Variants in PPP1R12A observed in about 807,000 individuals in gnomAD.
The protein encoded by PPP1R12A is protein phosphatase 1 regulatory subunit 12A.
In PPP1R12A, 19 loss-of-function variants were observed where a neutral mutation model predicts 139.6. The observed-to-expected ratio is 0.14, with a 90% confidence interval of 0.09 to 0.20. PPP1R12A has a LOEUF of 0.20. Ranked by LOEUF, PPP1R12A falls within the 10% of genes least tolerant of loss-of-function variation. The pLI is 1.00. For synonymous variants in PPP1R12A, 427 were observed against 420.6 expected (o/e 1.02, Z -0.19); for missense variants, 925 against 1,211.5 (o/e 0.76, Z 3.51).
At chr12:79,855,637 T>C (rs1485730378) in intron 2 of PPP1R12A, among the ~76,000 whole-genome samples, 2 of 152,064 alleles carry the variant, frequency 1.3e-5, no homozygotes, top group Non-Finnish European at 2.9e-5. Context: ...GATAATATTA[T>C]GGATTATGTA....
At chr12:79,911,864 G>A (rs1043337412) in intron 1 of PPP1R12A, among the ~76,000 whole-genome samples, 1 of 151,906 alleles carries the variant, frequency 6.6e-6, no homozygotes, top group African/African-American at 2.4e-5. Flanking sequence ...GCCAGCAGCC[G>A]TCTCTTAAAA....
chr12:79,848,044 A>G (rs968200326), intron 2 of PPP1R12A, among the ~76,000 whole-genome samples: 1 of 152,166 alleles, frequency 6.6e-6, no homozygotes, highest in Non-Finnish European at 1.5e-5. Context: ...GTTTTCTGTA[A>G]TAAGTTTGTT....
At chr12:79,867,311 G>T (rs1222836939) in intron 2 of PPP1R12A, among the ~76,000 whole-genome samples, 3 of 152,034 alleles carry the variant, frequency 2.0e-5, no homozygotes, top group Admixed American at 1.3e-4. Flanking sequence ...ACACACCAGG[G>T]TCTGTGGGGG....
chr12:79,934,691 A>C lies in PPP1R12A; in HGVS notation c.237+4T>G. ...CAGGAGAGCCGGCGGCGGGGCGCAC[A>C]GACCTGGTGCAGGGCAGTGAGTCCG... On this transcript the variant is annotated splice_donor_region_variant and intron_variant, in intron 1 of 24. Transcript: ENST00000450142. 6.6e-7 allele frequency: 1 copy of C among 1,522,458 alleles called. No homozygotes were observed. The highest frequency in any genetic ancestry group is 8.9e-7 in the Non-Finnish European group (1 of 1,129,010). 94.3% of individuals were successfully genotyped at this position (1,522,458 alleles called of 1,614,324 possible).
intron 1 of PPP1R12A, among the ~76,000 whole-genome samples, chr12:79,882,286 T>C (rs1883706908): frequency 6.6e-6 from 1 of 152,246 alleles, no homozygotes; most frequent in South Asian, 2.1e-4. Context: ...TACATGCTAT[T>C]AAGAACATTG....
chr12:79,845,343 T>G lies in PPP1R12A; in HGVS notation c.446A>C (p.Glu149Ala). 1.2e-6 allele frequency: 2 copies of G among 1,613,386 alleles called. No homozygotes were observed. Among genetic ancestry groups the G allele is most frequent in the Non-Finnish European group, 1.7e-6 (2 of 1,179,504 alleles). The change falls in exon 3 of 25, where the codon GAG (glutamate) becomes GCG (alanine). Residue 149 changes from glutamate (E) to alanine (A), a missense_variant. Transcript: ENST00000450142. Reference protein sequence around the residue: ...GDTPLDIAEEEAMEELLQNEV... With the variant: ...GDTPLDIAEEAAMEELLQNEV... ...ATTTTGAAGTAGCTCTTCCATTGCC[T>G]CCTCCTCCGCAATATCTAAAGGTGT... is the stretch of plus-strand genomic sequence containing the variant.
intron 2 of PPP1R12A, among the ~76,000 whole-genome samples, chr12:79,861,863 T>C (rs1354088841): frequency 1.3e-5 from 2 of 152,026 alleles, no homozygotes; most frequent in Admixed American, 6.6e-5. Flanking sequence ...CTGACTCTCT[T>C]GAATCCACTC....
At chr12:79,919,571 T>G (rs1887277368) in intron 1 of PPP1R12A, among the ~76,000 whole-genome samples, 1 of 150,058 alleles carries the variant, frequency 6.7e-6, no homozygotes, top group African/African-American at 2.5e-5. Flanking sequence ...AAAAAAAAAG[T>G]CTTCTCCCCT....
intron 1 of PPP1R12A, among the ~76,000 whole-genome samples, chr12:79,880,742 C>A (rs543699086): frequency 6.6e-6 from 1 of 152,056 alleles, no homozygotes; most frequent in Non-Finnish European, 1.5e-5. Flanking sequence ...CCACCGATAT[C>A]GGCATACCTA....
At chr12:79,782,296 G>C in intron 22 of PPP1R12A, 1 of 209,872 alleles carries the variant, frequency 4.8e-6, no homozygotes, top group Non-Finnish European at 9.8e-6. Flanking sequence ...TATCCATGCA[G>C]CCAGACCAGT....
At chr12:79,788,576 AAAT>A (rs1368123294) in intron 21 of PPP1R12A, 69 bp downstream of exon 21, 4 of 1,369,840 alleles carry the variant, frequency 2.9e-6, no homozygotes, top group African/African-American at 2.9e-5. Context: ...TGAGTTTTTA[AAAT>A]AATATTTGAA....
intron 5 of PPP1R12A, among the ~76,000 whole-genome samples, chr12:79,822,641 T>C (rs910493708): frequency 2.0e-5 from 3 of 152,198 alleles, no homozygotes; most frequent in African/African-American, 7.2e-5. Context: ...AGGCATTTCC[T>C]ATAAATGGAA....
Position 79,857,374 on chromosome 12 carries a change from T to C in PPP1R12A, c.369-11954A>G, listed in dbSNP as rs113285483. ...ACATGTTCTCACTCATAGATGGGAATTGAACAATGAGAACATATGGACACA... is the reference window on the plus strand; with the variant it reads ...ACATGTTCTCACTCATAGATGGGAACTGAACAATGAGAACATATGGACACA... On this transcript the variant is annotated intron_variant, in intron 2 of 24. Coordinates refer to ENST00000450142, the MANE Select transcript of PPP1R12A (RefSeq NM_002480.3). 9.5e-3 allele frequency among the ~76,000 whole-genome samples: 1,436 copies of C among 150,876 alleles called. 30 individuals are homozygous for C. Among genetic ancestry groups the C allele is most frequent in the African/African-American group, 0.034 (1,379 of 40,906 alleles).
chr12:79,871,460 A>G (rs1242350069), intron 2 of PPP1R12A, among the ~76,000 whole-genome samples: 2 of 152,200 alleles, frequency 1.3e-5, no homozygotes, highest in African/African-American at 2.4e-5. Context: ...TCAAAAGTTA[A>G]TATGTACTAT....
chr12:79,796,051 A>G (rs759725878), intron 17 of PPP1R12A, among the ~76,000 whole-genome samples: 1 of 152,182 alleles, frequency 6.6e-6, no homozygotes, highest in Non-Finnish European at 1.5e-5. Flanking sequence ...CCTCACACAT[A>G]GAAGTTTAAA....
At chr12:79,816,534 C>T (rs1458076894) in intron 9 of PPP1R12A, among the ~76,000 whole-genome samples, 3 of 151,854 alleles carry the variant, frequency 2.0e-5, no homozygotes, top group Non-Finnish European at 4.4e-5. Context: ...AACTCTTAAT[C>T]GTTAATTTGG....
At chr12:79,895,328 A>G (rs1885036328) in intron 1 of PPP1R12A, among the ~76,000 whole-genome samples, 1 of 152,190 alleles carries the variant, frequency 6.6e-6, no homozygotes, top group Non-Finnish European at 1.5e-5. Context: ...TCCTGGAAAA[A>G]AAAACAGGAG....
At chr12:79,890,049 G>C (rs1489075836) in intron 1 of PPP1R12A, among the ~76,000 whole-genome samples, 1 of 152,142 alleles carries the variant, frequency 6.6e-6, no homozygotes, top group Non-Finnish European at 1.5e-5. Flanking sequence ...AGGCATGACA[G>C]AAATATTCAG....
intron 19 of PPP1R12A, among the ~76,000 whole-genome samples, chr12:79,791,049 T>C (rs1042161542): frequency 2.6e-5 from 4 of 152,336 alleles, no homozygotes; most frequent in Admixed American, 1.3e-4. Context: ...ATTTTAACTT[T>C]GCTCCTTACA....
Sources: gnomAD v4.1 joint callset for allele counts (sites outside exome capture counted in the v4.1 genomes callset) on GRCh38, gnomAD v4.1.1 for gene constraint, MANE v1.5 for transcripts, NCBI Gene and HGNC (gene_info 2026-07-23, HGNC 2026-07-21) for gene names.